DIAPH2: variants seen among roughly 807,000 people sequenced by gnomAD.
DIAPH2 encodes the protein protein diaphanous homolog 2.
A neutral mutation model predicts 92.7 loss-of-function variants in DIAPH2; 35 were observed. That is an observed-to-expected ratio of 0.38 (90% CI 0.29 to 0.50). The LOEUF (loss-of-function observed/expected upper bound fraction) is 0.50, where lower values mean the gene tolerates loss of function less well. Among genes scored for constraint, DIAPH2 ranks in the 20% least tolerant of loss-of-function variants. DIAPH2 has a pLI of 0.94. For synonymous variants in DIAPH2, 301 were observed against 280.4 expected (o/e 1.07, Z -0.73); for missense variants, 701 against 819.5 (o/e 0.86, Z 1.77).
intron 23 of DIAPH2, among the ~76,000 whole-genome samples, chrX:97,335,170 A>T (rs750688751): frequency 1.5e-3 from 160 of 110,213 alleles, no homozygotes; most frequent in African/African-American, 4.9e-3. Context: ...TATATAGGCC[A>T]TTGTGGGGGT....
At chrX:97,132,539 C>T (rs934889891) in intron 21 of DIAPH2, among the ~76,000 whole-genome samples, 1 of 111,775 alleles carries the variant, frequency 8.9e-6, no homozygotes, top group East Asian at 2.8e-4. Context: ...CAACCCTTGG[C>T]AGAGGGCACA....
chrX:97,345,065 A>G (rs1160345978), intron 23 of DIAPH2, among the ~76,000 whole-genome samples: 4 of 112,100 alleles, frequency 3.6e-5, no homozygotes, highest in African/African-American at 1.3e-4. Context: ...TCTTTCTGCT[A>G]TGCTTAAATA....
At chrX:97,366,725 G>C (rs189648370) in intron 24 of DIAPH2, among the ~76,000 whole-genome samples, 169 of 111,371 alleles carry the variant, frequency 1.5e-3, no homozygotes, top group African/African-American at 5.3e-3. Flanking sequence ...AGTCTTACTA[G>C]CTTCAAAGAT....
intron 7 of DIAPH2, among the ~76,000 whole-genome samples, chrX:96,914,573 CAT>C (rs1320075198): frequency 9.0e-6 from 1 of 110,833 alleles, no homozygotes; most frequent in Non-Finnish European, 1.9e-5. Context: ...CTTATTGACT[CAT>C]GTTGTCAATT....
intron 4 of DIAPH2, among the ~76,000 whole-genome samples, chrX:96,822,242 T>C (rs2064783224): frequency 8.9e-6 from 1 of 111,747 alleles, no homozygotes; most frequent in South Asian, 3.7e-4. Flanking sequence ...TTTCTCTCAA[T>C]AAAAATATGA....
intron 4 of DIAPH2, among the ~76,000 whole-genome samples, chrX:96,808,082 G>T (rs2064644021): frequency 9.8e-6 from 1 of 102,217 alleles, no homozygotes; most frequent in Admixed American, 1.1e-4. Flanking sequence ...AGTGTAAAAT[G>T]TATGTATTGT....
chrX:96,772,621 C>T (rs2064346543), intron 4 of DIAPH2, among the ~76,000 whole-genome samples: 1 of 112,173 alleles, frequency 8.9e-6, no homozygotes, highest in Admixed American at 9.5e-5. Flanking sequence ...ATTTTTTGTA[C>T]TGTGGTCACC....
chrX:97,276,007 G>A (rs749777602), intron 23 of DIAPH2, among the ~76,000 whole-genome samples: 2 of 113,073 alleles, frequency 1.8e-5, no homozygotes, highest in South Asian at 7.3e-4. Flanking sequence ...GAGTGAACGA[G>A]ACTCCGTCTG....
chrX:96,752,095 A>G (rs1227302647), intron 3 of DIAPH2, among the ~76,000 whole-genome samples: 1 of 112,177 alleles, frequency 8.9e-6, no homozygotes, highest in East Asian at 2.8e-4. Context: ...TTCATATTCA[A>G]TTACGCTGTT....
At chrX:97,094,363 G>C (rs1306171115) in intron 19 of DIAPH2, among the ~76,000 whole-genome samples, 1 of 112,035 alleles carries the variant, frequency 8.9e-6, no homozygotes, top group Non-Finnish European at 1.9e-5. Flanking sequence ...GCCTGGGCTA[G>C]ATTAAAGATT....
At chrX:97,312,345 CTTTTTTTTT>C (rs56309139) in intron 23 of DIAPH2, among the ~76,000 whole-genome samples, 1 of 54,945 alleles carries the variant, frequency 1.8e-5, no homozygotes, top group Admixed American at 2.7e-4. Flanking sequence ...CAATAGAATC[CTTTTTTTTT>C]TTTTTTTTTT....
chrX:96,756,452 A>G (rs895503795), intron 3 of DIAPH2, among the ~76,000 whole-genome samples: 55 of 112,185 alleles, frequency 4.9e-4, no homozygotes, highest in African/African-American at 1.7e-3. Context: ...TATAGCATGT[A>G]TCAGTACTTC....
intron 17 of DIAPH2, among the ~76,000 whole-genome samples, chrX:97,070,851 T>C (rs1286818329): frequency 9.0e-6 from 1 of 111,646 alleles, no homozygotes; most frequent in African/African-American, 3.2e-5. Flanking sequence ...AACAATTTGT[T>C]CACTTGAAAA....
chrX:96,819,158 CTTG>C (rs1162267607), intron 4 of DIAPH2, among the ~76,000 whole-genome samples: 3 of 112,131 alleles, frequency 2.7e-5, no homozygotes, highest in African/African-American at 9.7e-5. Context: ...GTTGGGGACC[CTTG>C]TTGTAGAGGA....
intron 25 of DIAPH2, among the ~76,000 whole-genome samples, chrX:97,388,170 C>T (rs1005440174): frequency 1.8e-5 from 2 of 111,452 alleles, no homozygotes; most frequent in Non-Finnish European, 3.8e-5. Context: ...GGGTCATGCT[C>T]CTTTTGAAGA....
chrX:96,898,121 A>G (rs376126113), intron 5 of DIAPH2, among the ~76,000 whole-genome samples: 1 of 94,434 alleles, frequency 1.1e-5, no homozygotes, highest in African/African-American at 3.8e-5. Context: ...AATCCAGTCT[A>G]TCATTGATGG....
chrX:96,957,851 A>G lies in DIAPH2; in HGVS notation c.1638A>G (p.Ser546=). 1 of 1,209,420 alleles carries G rather than the reference A, an allele frequency of 8.3e-7. No individual in the cohort carries two copies. Among genetic ancestry groups the G allele is most frequent in the Non-Finnish European group, 1.1e-6 (1 of 893,735 alleles). ...AGGCACAAGTACTCTCAAGTTCATC[A>G]GGAATTCCAGGTCCTCCTGCAGCAC... ...RTQAQVLSSS[S]GIPGPPAAPP... Residue 546 remains serine, a synonymous_variant, in exon 16 of 27, where the codon TCA becomes TCG. Transcript: ENST00000324765.
chrX:96,808,538 T>G, intron 4 of DIAPH2, among the ~76,000 whole-genome samples: 1 of 111,844 alleles, frequency 8.9e-6, no homozygotes, highest in Non-Finnish European at 1.9e-5. Context: ...TGCTCAATTG[T>G]CCATTAAGGA....
At chrX:97,177,346 G>A (rs2067500694) in intron 22 of DIAPH2, among the ~76,000 whole-genome samples, 1 of 111,808 alleles carries the variant, frequency 8.9e-6, no homozygotes, top group African/African-American at 3.3e-5. Context: ...GGCAAAAAAA[G>A]TGGTTTATAT....
Sources: gnomAD v4.1 joint callset for allele counts (sites outside exome capture counted in the v4.1 genomes callset) on GRCh38, gnomAD v4.1.1 for gene constraint, MANE v1.5 for transcripts, NCBI Gene and HGNC (gene_info 2026-07-23, HGNC 2026-07-21) for gene names.